Variants in NLRP1 observed in about 807,000 individuals in gnomAD.
NLRP1 encodes the protein NACHT, LRR and PYD domains-containing protein 1.
A neutral mutation model predicts 136.7 loss-of-function variants in NLRP1; 94 were observed. The observed-to-expected ratio is 0.69, with a 90% CI of 0.58 to 0.82. NLRP1 has a LOEUF of 0.82. Ranked by LOEUF, NLRP1 falls within the 40% of genes least tolerant of loss-of-function variation. The pLI is 0.00. For synonymous variants in NLRP1, 690 were observed against 725.1 expected, an observed-to-expected ratio of 0.95 and a Z score of 0.78; for missense variants, 1,575 against 1,802.7, an observed-to-expected ratio of 0.87 and a Z score of 2.29.
intron 12 of NLRP1, among the ~76,000 whole-genome samples, chr17:5,526,749 C>G (rs1207204162): frequency 2.6e-5 from 4 of 152,188 alleles, no homozygotes; most frequent in African/African-American, 9.7e-5. Context: ...CATTCTTAAT[C>G]ATTTTTGAAT....
intron 3 of NLRP1, among the ~76,000 whole-genome samples, chr17:5,562,324 CAG>C (rs1213479820): frequency 6.6e-6 from 1 of 152,252 alleles, no homozygotes; most frequent in African/African-American, 2.4e-5. Context: ...TTATCACTGA[CAG>C]AGGTGAGATG....
In NLRP1 at chr17:5,559,128, G is replaced by C. The variant is rs756551531; in HGVS notation, c.1568C>G (p.Ser523Cys). 6.2e-7 allele frequency: 1 copy of C among 1,614,168 alleles called. No homozygotes were observed. Residue 523 changes from serine to cysteine, a missense_variant, in exon 4 of 17, where the codon TCC (serine) becomes TGC (cysteine). Ser to Cys is a moderately radical substitution (Grantham distance 112). Transcript: ENST00000572272. ...CATCAGGCAAGTGCAGGCCAGCCAG[G>C]ACACCCAGGGCACAAGACACAGGGC... ...LWALCLVPWV[S>C]WLACTCLMQQ...
Position 5,514,919 on chromosome 17 carries a change from C to T in NLRP1, c.4257G>A (p.Glu1419=). ...TCCGCATCTGGCTGGGCCTCGTGTT[C>T]TCAGCCAGCACCCTCTCGTACTGCT... The part of the protein sequence containing the change: ...SQEQYERVLA[E]NTRPSQMRKL... Residue 1419 remains glutamate (E), a synonymous_variant, in exon 17 of 17, where the codon GAG becomes GAA. Coordinates refer to ENST00000572272, the MANE Select transcript of NLRP1 (RefSeq NM_033004.4). 1 of 1,614,216 alleles carries T rather than the reference C, an allele frequency of 6.2e-7. No individual in the cohort carries two copies.
intron 4 of NLRP1, among the ~76,000 whole-genome samples, chr17:5,554,291 C>A (rs1264743467): frequency 6.6e-6 from 1 of 152,152 alleles, no homozygotes; most frequent in African/African-American, 2.4e-5. Flanking sequence ...AGAGTAGACT[C>A]CGACTCATGG....
intron 3 of NLRP1, among the ~76,000 whole-genome samples, chr17:5,563,959 G>C (rs1915036649): frequency 6.6e-6 from 1 of 152,178 alleles, no homozygotes; most frequent in Non-Finnish European, 1.5e-5. Flanking sequence ...CAGAAGCCCT[G>C]CAAGGCAGAA....
chr17:5,576,086 A>T (rs564397741), intron 3 of NLRP1, among the ~76,000 whole-genome samples: 1 of 152,358 alleles, frequency 6.6e-6, no homozygotes, highest in Admixed American at 6.5e-5. Flanking sequence ...ATGAGAACAA[A>T]GACACAACAT....
chr17:5,580,260 AAAC>A (rs1264477196), intron 3 of NLRP1, among the ~76,000 whole-genome samples: 3 of 152,032 alleles, frequency 2.0e-5, no homozygotes, highest in Non-Finnish European at 4.4e-5. Context: ...AAAAAACAAA[AAAC>A]AACAAACAAA....
In NLRP1 at chr17:5,584,067, C is replaced by A; in HGVS notation, c.-110G>T. 1 of 1,082,510 alleles carries A rather than the reference C, an allele frequency of 9.2e-7. No homozygotes were observed. The allele number at this position is 1,082,510 out of a possible 1,614,324, so 67.1% of individuals were successfully genotyped here. Reference sequence around the variant, plus strand: ...GCCTTGGCTCTTACCGTCTCTTATTCAGCATTCGGAACCCAGTTTTATAAA... The same window carrying A: ...GCCTTGGCTCTTACCGTCTCTTATTAAGCATTCGGAACCCAGTTTTATAAA... On this transcript the variant is annotated 5_prime_UTR_variant, in exon 1 of 17. Coordinates refer to ENST00000572272, the MANE Select transcript of NLRP1 (RefSeq NM_033004.4).
chr17:5,508,133 C>T (rs1240364320), intron 15 of NLRP1, among the ~76,000 whole-genome samples: 2 of 111,096 alleles, frequency 1.8e-5, no homozygotes, highest in Non-Finnish European at 3.7e-5. Flanking sequence ...GACTCGGTCT[C>T]AGAAAAAAAA....
intron 3 of NLRP1, among the ~76,000 whole-genome samples, chr17:5,562,218 C>G (rs1914839269): frequency 6.6e-6 from 1 of 152,258 alleles, no homozygotes; most frequent in African/African-American, 2.4e-5. Flanking sequence ...AGCACCCAGA[C>G]AGCTGATTAC....
intron 2 of NLRP1, among the ~76,000 whole-genome samples, 179 bp downstream of exon 2, chr17:5,582,491 G>A (rs916911403): frequency 6.6e-6 from 1 of 152,106 alleles, no homozygotes; most frequent in Admixed American, 6.5e-5. Context: ...TCTCAGCACC[G>A]GAAGGTCCCT....
chr17:5,559,261 G>A lies in NLRP1; in HGVS notation c.1435C>T (p.Leu479=), dbSNP rs369018443. The A allele has an allele frequency of 6.2e-7, 1 of 1,614,046 alleles. No individual in the cohort carries two copies. The highest frequency in any genetic ancestry group is 1.3e-5 in the African/African-American group (1 of 74,904). ...SLEQARWVEV[L]GFSESSRKEY... ...TTCCTGCTGGACTCAGAGAACCCCAGGACCTCTACCCAACGTGCCTGCTCC... is the reference window on the plus strand; with the variant it reads ...TTCCTGCTGGACTCAGAGAACCCCAAGACCTCTACCCAACGTGCCTGCTCC... Residue 479 remains leucine (L), a synonymous_variant, in exon 4 of 17, where the codon CTG becomes TTG. Transcript: ENST00000572272.
exon 16 of NLRP1, chr17:5,501,407 A>G (rs1423647543): frequency 6.0e-6 from 1 of 165,812 alleles, no homozygotes; most frequent in Non-Finnish European, 1.3e-5. Flanking sequence ...GGTCTGTTTT[A>G]AATTTTAATC....
intron 4 of NLRP1, among the ~76,000 whole-genome samples, chr17:5,557,488 C>T (rs1160521208): frequency 6.6e-6 from 1 of 152,204 alleles, no homozygotes; most frequent in Non-Finnish European, 1.5e-5. Flanking sequence ...CTGTTGTAGA[C>T]ATCACACTCT....
At chr17:5,511,288 C>T (rs1045881101), downstream of NLRP1, among the ~76,000 whole-genome samples, 5 of 151,912 alleles carry the variant, frequency 3.3e-5, no homozygotes, top group Admixed American at 2.0e-4. Context: ...AAAATTTATC[C>T]GGGTGTGGTG....
chr17:5,562,267 A>G (rs1416963448), intron 3 of NLRP1, among the ~76,000 whole-genome samples: 2 of 152,246 alleles, frequency 1.3e-5, no homozygotes, highest in African/African-American at 2.4e-5. Context: ...GCTGAGCAGG[A>G]CTTGCTGGTT....
chr17:5,516,923 G>T (rs1054538229), intron 15 of NLRP1, among the ~76,000 whole-genome samples: 1 of 152,148 alleles, frequency 6.6e-6, no homozygotes, highest in South Asian at 2.1e-4. Flanking sequence ...CTGTTTGGGG[G>T]TTTGGGTTCT....
At chr17:5,582,335 C>G (rs757283606) in intron 2 of NLRP1, among the ~76,000 whole-genome samples, 13 of 152,094 alleles carry the variant, frequency 8.5e-5, no homozygotes, top group Non-Finnish European at 1.2e-4. Flanking sequence ...CACCCTGACC[C>G]TAAGGATCTT....
At position 5,532,833 on chromosome 17, in the gene NLRP1, C is replaced by G; in HGVS notation, c.3285G>C (p.Lys1095Asn). ...PVATEVVDKE[K>N]NLYRVHFPVA... is the part of the protein sequence containing the mutation. ...GCCCCCTCACTCACCGGTACAAGTT[C>G]TTTTCTTTGTCAACTACCTCAGTAG... The change falls in exon 11 of 17, where the codon AAG (lysine) becomes AAC (asparagine). Residue 1095 changes from lysine to asparagine, a missense_variant. Lys to Asn is a moderately conservative substitution (Grantham distance 94). Transcript: ENST00000572272. 6.2e-7 allele frequency: 1 copy of G among 1,604,882 alleles called. No homozygotes were observed. The highest frequency in any genetic ancestry group is 8.5e-7 in the Non-Finnish European group (1 of 1,176,634).
Sources: allele counts gnomAD v4.1 joint callset (sites outside exome capture counted in the v4.1 genomes callset), GRCh38; gene constraint gnomAD v4.1.1; transcripts MANE v1.5; gene names NCBI Gene and HGNC (gene_info 2026-07-23, HGNC 2026-07-21).